NKAIN3: variants seen among roughly 807,000 people sequenced by gnomAD.
The protein encoded by NKAIN3 is sodium/potassium transporting ATPase interacting 3, also known as sodium/potassium-transporting ATPase subunit beta-1-interacting protein 3.
NKAIN3 carries 25 observed loss-of-function variants against 30.2 expected under a neutral mutation model. That is an observed-to-expected ratio of 0.83 (90% CI 0.60 to 1.16). The LOEUF is 1.16. Among genes scored for constraint, NKAIN3 ranks in the 50% most tolerant of loss-of-function variants. NKAIN3 has a pLI of 0.00. For missense variants in NKAIN3, 225 were observed against 254.1 expected, an observed-to-expected ratio of 0.89 and a Z score of 0.78; for synonymous variants, 91 against 89.6, an observed-to-expected ratio of 1.02 and a Z score of -0.09.
intron 3 of NKAIN3, among the ~76,000 whole-genome samples, chr8:62,738,233 T>C (rs767483506): frequency 2.0e-4 from 30 of 152,296 alleles, no homozygotes; most frequent in Non-Finnish European, 1.9e-4. Flanking sequence ...TGGTATCTCA[T>C]TGTGATTTTG....
intron 5 of NKAIN3, among the ~76,000 whole-genome samples, chr8:62,994,091 A>G (rs945758512): frequency 6.6e-6 from 1 of 152,168 alleles, no homozygotes; most frequent in African/African-American, 2.4e-5. Flanking sequence ...AGATGCACGT[A>G]CCCTTTGACC....
intron 1 of NKAIN3, among the ~76,000 whole-genome samples, chr8:62,319,691 AAG>A (rs1344192911): frequency 2.0e-5 from 3 of 152,120 alleles, no homozygotes; most frequent in African/African-American, 7.2e-5. Flanking sequence ...ACTGTGGTCT[AAG>A]AGACAATTTA....
At chr8:62,989,835 C>T (rs1317794924), downstream of NKAIN3, among the ~76,000 whole-genome samples, 2 of 152,188 alleles carry the variant, frequency 1.3e-5, no homozygotes, top group Non-Finnish European at 2.9e-5. Flanking sequence ...AGACATTGAA[C>T]CCTAAATACA....
At chr8:62,557,721 A>C (rs1809451195) in intron 1 of NKAIN3, among the ~76,000 whole-genome samples, 2 of 151,914 alleles carry the variant, frequency 1.3e-5, no homozygotes, top group South Asian at 2.1e-4. Flanking sequence ...TGGGTTGTCT[A>C]TTCATGTTCT....
intron 4 of NKAIN3, among the ~76,000 whole-genome samples, chr8:62,769,873 C>T (rs1402964996): frequency 6.6e-6 from 1 of 152,102 alleles, no homozygotes; most frequent in Admixed American, 6.5e-5. Flanking sequence ...ATCTTCTATC[C>T]TAGAATATGT....
intron 3 of NKAIN3, among the ~76,000 whole-genome samples, chr8:62,644,165 C>T (rs1455141249): frequency 1.1e-4 from 17 of 152,102 alleles, no homozygotes. Context: ...TCTGGCTAAA[C>T]TCTCACTCTC....
intron 3 of NKAIN3, among the ~76,000 whole-genome samples, chr8:62,611,904 CA>C (rs1417548740): frequency 6.6e-6 from 1 of 151,976 alleles, no homozygotes; most frequent in Non-Finnish European, 1.5e-5. Flanking sequence ...ACATTCCCAC[CA>C]ACAGCATATG....
chr8:62,279,339 G>T (rs1813088895), intron 1 of NKAIN3, among the ~76,000 whole-genome samples: 1 of 152,132 alleles, frequency 6.6e-6, no homozygotes, highest in Non-Finnish European at 1.5e-5. Context: ...TCACTCTGAT[G>T]GTAGTTTCTT....
intron 1 of NKAIN3, among the ~76,000 whole-genome samples, chr8:62,403,360 C>A (rs540232686): frequency 1.7e-4 from 26 of 152,314 alleles, no homozygotes; most frequent in African/African-American, 6.0e-4. Flanking sequence ...ACGTTAATAG[C>A]CAAGACAATG....
intron 3 of NKAIN3, among the ~76,000 whole-genome samples, chr8:62,593,874 C>G (rs1810735311): frequency 6.6e-6 from 1 of 151,950 alleles, no homozygotes; most frequent in Admixed American, 6.6e-5. Context: ...TTCACTTCCC[C>G]CAAATCTGGG....
rs530307678 is a variant in NKAIN3, at chr8:62,521,580, G to A, written c.55-57959G>A. ...CATTCACATTCAGGTAAATGTAGAGGGTGGGCCCATGGCTCCCACTGGCAA... is the reference window on the plus strand; with the variant it reads ...CATTCACATTCAGGTAAATGTAGAGAGTGGGCCCATGGCTCCCACTGGCAA... On this transcript the variant is annotated intron_variant, in intron 1 of 6. Coordinates refer to ENST00000623646, the MANE Select transcript of NKAIN3 (RefSeq NM_001304533.3). 1.4e-4 allele frequency among the ~76,000 whole-genome samples: 21 copies of A among 152,204 alleles called. No individual in the cohort carries two copies. In the East Asian group the frequency reaches 1.7e-3, roughly 13 times the overall value.
intron 1 of NKAIN3, among the ~76,000 whole-genome samples, chr8:62,381,608 G>A (rs1817280996): frequency 1.3e-5 from 2 of 151,994 alleles, no homozygotes; most frequent in African/African-American, 4.8e-5. Flanking sequence ...CCCCATAGTA[G>A]GTAATATGGC....
At chr8:62,281,414 C>G (rs964861611) in intron 1 of NKAIN3, among the ~76,000 whole-genome samples, 1 of 152,102 alleles carries the variant, frequency 6.6e-6, no homozygotes, top group Non-Finnish European at 1.5e-5. Flanking sequence ...TTGACTTCTG[C>G]TAACTTTTGA....
intron 3 of NKAIN3, among the ~76,000 whole-genome samples, chr8:62,616,762 CTTT>C (rs1563485234): frequency 1.3e-5 from 2 of 152,074 alleles, no homozygotes; most frequent in African/African-American, 4.8e-5. Context: ...TGGTTTCTTC[CTTT>C]AGCAACCAGC....
intron 1 of NKAIN3, among the ~76,000 whole-genome samples, chr8:62,490,837 C>T (rs185296321): frequency 1.4e-4 from 22 of 152,242 alleles, no homozygotes; most frequent in Admixed American, 1.2e-3. Flanking sequence ...TGAAGTTGGA[C>T]AGGTTATTTA....
chr8:62,920,423 T>C (rs1423707199), intron 5 of NKAIN3, among the ~76,000 whole-genome samples: 2 of 152,182 alleles, frequency 1.3e-5, no homozygotes, highest in Admixed American at 6.5e-5. Flanking sequence ...TATACAACAG[T>C]CTTTTCCTTG....
intron 1 of NKAIN3, among the ~76,000 whole-genome samples, chr8:62,452,864 T>A (rs1805692738): frequency 6.6e-6 from 1 of 152,200 alleles, no homozygotes; most frequent in African/African-American, 2.4e-5. Flanking sequence ...AAAAAATCTA[T>A]ATTTCTGAAA....
intron 3 of NKAIN3, among the ~76,000 whole-genome samples, chr8:62,648,123 T>G (rs1812519565): frequency 6.6e-6 from 1 of 152,070 alleles, no homozygotes; most frequent in Non-Finnish European, 1.5e-5. Flanking sequence ...GAAGGGCAGT[T>G]TGAGATTAAC....
At chr8:62,482,401 T>TG (rs1281439771) in intron 1 of NKAIN3, 1 of 152,284 alleles carries the variant, frequency 6.6e-6, no homozygotes, top group East Asian at 1.9e-4. Flanking sequence ...AATCCCAGAC[T>TG]GGTGCCGGCT....
Sources: allele counts gnomAD v4.1 joint callset (sites outside exome capture counted in the v4.1 genomes callset), GRCh38; gene constraint gnomAD v4.1.1; transcripts MANE v1.5; gene names NCBI Gene and HGNC (gene_info 2026-07-23, HGNC 2026-07-21).